REC114: variants seen among roughly 807,000 people sequenced by gnomAD.
The protein encoded by REC114 is REC114 meiotic recombination protein, also known as meiotic recombination protein REC114.
In REC114, 27 loss-of-function variants were observed where a neutral mutation model predicts 31.3. The observed-to-expected ratio is 0.86, with a 90% CI of 0.64 to 1.19. REC114 has a LOEUF of 1.19. REC114 is among the 50% of genes most tolerant of loss of function. The probability of loss-of-function intolerance (pLI) is 0.00; values close to 1 mark genes in which losing one functional copy is unlikely to be tolerated. For synonymous variants in REC114, 134 were observed against 127.7 expected (o/e 1.05, Z -0.33); for missense variants, 344 against 326.9 (o/e 1.05, Z -0.40).
intron 2 of REC114, among the ~76,000 whole-genome samples, chr15:73,505,332 G>A (rs1203439435): frequency 6.6e-6 from 1 of 152,110 alleles, no homozygotes; most frequent in Admixed American, 6.5e-5. Flanking sequence ...GCTCTACCAT[G>A]TGTACTCAAC....
intron 5 of REC114, 110 bp from the exon 6 acceptor site, chr15:73,559,642 T>G: frequency 1.1e-6 from 1 of 936,792 alleles, no homozygotes. Flanking sequence ...CACTAATTTT[T>G]TTGGTGTGTA....
At chr15:73,486,130 G>A (rs895087408) in intron 2 of REC114, among the ~76,000 whole-genome samples, 2 of 151,554 alleles carry the variant, frequency 1.3e-5, no homozygotes, top group African/African-American at 2.4e-5. Context: ...ATGGAATCTC[G>A]CTCTGTCACC....
intron 3 of REC114, among the ~76,000 whole-genome samples, chr15:73,550,010 A>G (rs904820677): frequency 4.6e-5 from 7 of 152,190 alleles, no homozygotes; most frequent in Non-Finnish European, 1.5e-5. Context: ...AGGAAGCAAC[A>G]TGGTATATAT....
At chr15:73,450,625 C>G (rs1892831827) in intron 1 of REC114, among the ~76,000 whole-genome samples, 1 of 152,186 alleles carries the variant, frequency 6.6e-6, no homozygotes, top group African/African-American at 2.4e-5. Context: ...CAGCTCTGGA[C>G]CAAGTGAACC....
intron 2 of REC114, among the ~76,000 whole-genome samples, chr15:73,482,214 G>C (rs1893304478): frequency 6.6e-6 from 1 of 152,152 alleles, no homozygotes; most frequent in Admixed American, 6.5e-5. Flanking sequence ...TCCAAATCTT[G>C]TGTTGAAATG....
At chr15:73,528,469 AT>A (rs1184015841) in intron 2 of REC114, among the ~76,000 whole-genome samples, 5 of 152,224 alleles carry the variant, frequency 3.3e-5, no homozygotes, top group Non-Finnish European at 5.9e-5. Context: ...TTTGAGAATT[AT>A]AAGACAGAGT....
intron 1 of REC114, among the ~76,000 whole-genome samples, chr15:73,461,922 C>CTTTTTTTTTTTTTTTTTT (rs961387922): frequency 1.3e-5 from 1 of 78,212 alleles, no homozygotes; most frequent in Admixed American, 1.4e-4. Context: ...TTTTTCTTTT[C>CTTTTTTTTTTTTTTTTTT]TTTTTTTTTT....
intron 2 of REC114, among the ~76,000 whole-genome samples, chr15:73,486,723 T>C (rs1893376108): frequency 6.6e-6 from 1 of 152,088 alleles, no homozygotes; most frequent in Non-Finnish European, 1.5e-5. Context: ...TATCCTTACA[T>C]ACAGAAGAAC....
chr15:73,489,758 A>C (rs1286685960), intron 2 of REC114, among the ~76,000 whole-genome samples: 8 of 151,786 alleles, frequency 5.3e-5, no homozygotes, highest in Non-Finnish European at 8.8e-5. Flanking sequence ...AAAAAAAAAA[A>C]ACAAAACTCA....
intron 1 of REC114, 108 bp downstream of exon 1, chr15:73,443,452 G>A (rs1219894420): frequency 8.5e-6 from 11 of 1,297,208 alleles, no homozygotes; most frequent in South Asian, 8.0e-5. Flanking sequence ...AGGGGACACC[G>A]AGTGACTGCC....
At chr15:73,462,049 G>A (rs984751202) in intron 1 of REC114, among the ~76,000 whole-genome samples, 2 of 148,552 alleles carry the variant, frequency 1.3e-5, no homozygotes, top group African/African-American at 5.0e-5. Context: ...TTCCTGCCTC[G>A]GCCTCCTTAG....
chr15:73,509,512 T>G (rs1353296314), intron 2 of REC114, among the ~76,000 whole-genome samples: 1 of 150,714 alleles, frequency 6.6e-6, no homozygotes, highest in African/African-American at 2.5e-5. Context: ...ATGAAGTCCT[T>G]GCCCATGCCT....
chr15:73,497,885 T>C (rs932270269), intron 2 of REC114, among the ~76,000 whole-genome samples: 2 of 152,188 alleles, frequency 1.3e-5, no homozygotes, highest in Admixed American at 6.5e-5. Context: ...CAGAGCAGCA[T>C]TTATTTTCAC....
intron 3 of REC114, among the ~76,000 whole-genome samples, chr15:73,541,961 G>C (rs1252006951): frequency 6.6e-6 from 1 of 152,040 alleles, no homozygotes; most frequent in Non-Finnish European, 1.5e-5. Flanking sequence ...TATCAGTTAG[G>C]ATTGTGTTCA....
intron 2 of REC114, among the ~76,000 whole-genome samples, chr15:73,510,760 T>C: frequency 1.3e-5 from 2 of 148,276 alleles, no homozygotes; most frequent in African/African-American, 4.9e-5. Context: ...GATTTGCGTA[T>C]ATTGAACCAG....
At chr15:73,470,084 C>A (rs1302398704) in intron 1 of REC114, among the ~76,000 whole-genome samples, 4 of 152,040 alleles carry the variant, frequency 2.6e-5, no homozygotes, top group Admixed American at 2.6e-4. Flanking sequence ...ATCTGACAAC[C>A]TCTGCCTTTA....
At chr15:73,550,874 A>C in intron 3 of REC114, 64 bp from the exon 4 acceptor site, 1 of 1,496,834 alleles carries the variant, frequency 6.7e-7, no homozygotes, top group South Asian at 1.2e-5. Context: ...ACTCAGTGGA[A>C]GACCCCAAAG....
Position 73,455,276 on chromosome 15 carries a change from T to TA in REC114, c.159+11939dup, listed in dbSNP as rs1402400903. On this transcript the variant is annotated intron_variant, in intron 1 of 5. Coordinates refer to ENST00000331090, the MANE Select transcript of REC114 (RefSeq NM_001042367.2). ...TTTTAAAAATATGTGGTACCTGCAG[T>TA]AAAAAAAGAGGTTAGGTAAAGCATA... is the stretch of plus-strand genomic sequence containing the variant. Among the ~76,000 whole-genome samples the TA allele has an allele frequency of 3.3e-5, 5 of 152,176 alleles. No homozygotes were observed. In the South Asian group the frequency reaches 8.3e-4, roughly 25 times the overall value.
At chr15:73,544,122 A>T (rs1486138284) in intron 3 of REC114, among the ~76,000 whole-genome samples, 1 of 151,832 alleles carries the variant, frequency 6.6e-6, no homozygotes, top group African/African-American at 2.4e-5. Flanking sequence ...ATGGTTCGAT[A>T]TTCTTTATCA....
Sources: allele counts gnomAD v4.1 joint callset (sites outside exome capture counted in the v4.1 genomes callset), GRCh38; gene constraint gnomAD v4.1.1; transcripts MANE v1.5; gene names NCBI Gene and HGNC (gene_info 2026-07-23, HGNC 2026-07-21).